Variants in NEIL3 observed in about 807,000 individuals in gnomAD.
The protein encoded by NEIL3 is endonuclease 8-like 3.
In NEIL3, 48 loss-of-function variants were observed where a neutral mutation model predicts 57.5. The ratio of observed to expected loss-of-function variants is 0.83; its 90% confidence interval spans 0.66 to 1.06. The LOEUF (loss-of-function observed/expected upper bound fraction) is 1.06. Ranked by LOEUF, NEIL3 falls within the 50% of genes least tolerant of loss-of-function variation. The pLI, the probability that NEIL3 is intolerant of heterozygous loss-of-function variation, is 0.00. For missense variants in NEIL3, 717 were observed against 739.1 expected, an observed-to-expected ratio of 0.97 and a Z score of 0.35; for synonymous variants, 261 against 253.2, an observed-to-expected ratio of 1.03 and a Z score of -0.29.
At chr4:177,347,937 A>G (rs1470721006) in intron 6 of NEIL3, among the ~76,000 whole-genome samples, 2 of 152,130 alleles carry the variant, frequency 1.3e-5, no homozygotes, top group South Asian at 2.1e-4. Flanking sequence ...TTTGGCTGCA[A>G]ACTCCTTGAT....
At chr4:177,327,384 G>A (rs908040939) in intron 2 of NEIL3, among the ~76,000 whole-genome samples, 11 of 151,990 alleles carry the variant, frequency 7.2e-5, no homozygotes, top group African/African-American at 2.7e-4. Flanking sequence ...GTGAATTAAA[G>A]CAGTTTTATT....
At chr4:177,322,412 AGTTT>A in intron 1 of NEIL3, 43 bp from the exon 2 acceptor site, 1 of 1,607,174 alleles carries the variant, frequency 6.2e-7, no homozygotes, top group South Asian at 1.1e-5. Flanking sequence ...TTTTGCTTAG[AGTTT>A]GTGTGTGTGT....
chr4:177,341,624 C>A lies in NEIL3; in HGVS notation c.851C>A (p.Pro284His), dbSNP rs1388534647. The A allele has an allele frequency of 1.2e-6, 2 of 1,613,010 alleles. No individual in the cohort carries two copies. The highest frequency in any genetic ancestry group is 3.3e-5 in the Admixed American group (2 of 59,862). The change falls in exon 6 of 10, where the codon CCT (proline) becomes CAT (histidine). Residue 284 changes from proline (P) to histidine (H), a missense_variant. Pro to His is a moderately conservative substitution (Grantham distance 77). Coordinates refer to ENST00000264596, the MANE Select transcript of NEIL3 (RefSeq NM_018248.3). Reference sequence around the variant, plus strand: ...TGTCCTCACTGTCAAAAAGAAAATCCTCAACATGTTGACATATGGTAAGAT... The same window carrying A: ...TGTCCTCACTGTCAAAAAGAAAATCATCAACATGTTGACATATGGTAAGAT... ...YFCPHCQKEN[P>H]QHVDICKLPT... is the part of the protein sequence containing the mutation.
At chr4:177,337,186 G>A (rs1312719494) in intron 4 of NEIL3, among the ~76,000 whole-genome samples, 1 of 152,094 alleles carries the variant, frequency 6.6e-6, no homozygotes, top group African/African-American at 2.4e-5. Flanking sequence ...TAAGAGAGGT[G>A]AGAACCCTAA....
At chr4:177,314,004 A>T (rs1313349471) in intron 1 of NEIL3, among the ~76,000 whole-genome samples, 1 of 152,218 alleles carries the variant, frequency 6.6e-6, no homozygotes, top group Non-Finnish European at 1.5e-5. Context: ...AGTGGGGGAA[A>T]AAAATCGTGG....
chr4:177,348,785 ATGAAT>A (rs1735283756), intron 6 of NEIL3, among the ~76,000 whole-genome samples: 1 of 149,820 alleles, frequency 6.7e-6, no homozygotes. Flanking sequence ...TCTGGGCCTG[ATGAAT>A]TGAGCGATAC....
chr4:177,330,672 A>C (rs946569528), intron 2 of NEIL3, among the ~76,000 whole-genome samples: 8 of 152,222 alleles, frequency 5.3e-5, no homozygotes, highest in Non-Finnish European at 8.8e-5. Flanking sequence ...TGGGAGACAT[A>C]TATATAATTT....
At chr4:177,365,960 TAGAGG>T (rs1735687151), downstream of NEIL3, among the ~76,000 whole-genome samples, 1 of 152,176 alleles carries the variant, frequency 6.6e-6, no homozygotes, top group South Asian at 2.1e-4. Flanking sequence ...GACCCAGTTT[TAGAGG>T]AAAGACAACC....
intron 8 of NEIL3, among the ~76,000 whole-genome samples, chr4:177,356,791 T>TG (rs1255782341): frequency 2.5e-4 from 38 of 152,226 alleles, no homozygotes; most frequent in Non-Finnish European, 5.4e-4. Flanking sequence ...ATAAATTAGA[T>TG]GATTGAACCC....
chr4:177,365,515 ACCACCATCAGTC>A (rs1735681957), downstream of NEIL3, among the ~76,000 whole-genome samples: 1 of 152,174 alleles, frequency 6.6e-6, no homozygotes. Flanking sequence ...CACCACTACA[ACCACCATCAGTC>A]CCTCCAAAAT....
At chr4:177,357,515 A>G (rs889508188) in intron 8 of NEIL3, among the ~76,000 whole-genome samples, 5 of 152,226 alleles carry the variant, frequency 3.3e-5, no homozygotes, top group African/African-American at 1.2e-4. Flanking sequence ...AAAAAATAAT[A>G]TTCACTTTAA....
intron 4 of NEIL3, 73 bp downstream of exon 4, chr4:177,336,394 A>G: frequency 8.8e-7 from 1 of 1,134,684 alleles, no homozygotes; most frequent in African/African-American, 1.5e-5. Context: ...GGAAGCCTTA[A>G]CTCTGCATTT....
Position 177,362,667 on chromosome 4 carries a change from T to C in NEIL3, c.*196T>C, listed in dbSNP as rs147510261. 27 of 464,056 alleles carry C rather than the reference T, an allele frequency of 5.8e-5. No individual in the cohort carries two copies. The East Asian group carries it at 8.4e-4, about 14-fold the overall frequency. The allele number at this position is 464,056 out of a possible 1,614,324, so 28.7% of individuals were successfully genotyped here. A position where few individuals can be genotyped will look rare whatever the true frequency, so the allele number is the denominator to read the frequency against. ...GTCTTTTCTTTTGCCTTGATGAACG[T>C]TCTATGTATTTCATCGGATATACAG... On this transcript the variant is annotated 3_prime_UTR_variant, in exon 10 of 10. Transcript: ENST00000264596.
rs1261299436 is a variant in NEIL3, at chr4:177,309,921, T to A, written c.-33T>A. The A allele has an allele frequency of 1.9e-6, 3 of 1,599,198 alleles. No individual in the cohort carries two copies. The highest frequency in any genetic ancestry group is 1.7e-5 in the Admixed American group (1 of 57,756). On this transcript the variant is annotated 5_prime_UTR_variant, in exon 1 of 10. Transcript: ENST00000264596. ...GCACAGCGGTATTCTCACCAGGCCC[T>A]GCAATCGGTGGGCCACAGTGCCGGC...
At chr4:177,334,749 G>A (rs2110905115) in intron 2 of NEIL3, among the ~76,000 whole-genome samples, 1 of 152,250 alleles carries the variant, frequency 6.6e-6, no homozygotes, top group South Asian at 2.1e-4. Flanking sequence ...CTATAACATG[G>A]TGCTCCGCAA....
intron 8 of NEIL3, among the ~76,000 whole-genome samples, chr4:177,360,063 G>A (rs1269050729): frequency 6.6e-6 from 1 of 152,198 alleles, no homozygotes; most frequent in East Asian, 1.9e-4. Flanking sequence ...AGCCATTGAT[G>A]AGAGTTTGCT....
At chr4:177,369,609 C>T in the NEIL3 span, among the ~76,000 whole-genome samples, 2 of 152,104 alleles carry the variant, frequency 1.3e-5, no homozygotes, top group Non-Finnish European at 2.9e-5. Flanking sequence ...TCAATCCTGC[C>T]AGTGGTGTGG....
chr4:177,334,480 C>T (rs1734938768), intron 2 of NEIL3, among the ~76,000 whole-genome samples: 1 of 152,072 alleles, frequency 6.6e-6, no homozygotes, highest in Non-Finnish European at 1.5e-5. Context: ...GATGTGGTTT[C>T]ATTATAGAAA....
intron 8 of NEIL3, 152 bp from the exon 9 acceptor site, chr4:177,360,351 A>G: frequency 2.1e-6 from 1 of 466,162 alleles, no homozygotes; most frequent in South Asian, 6.4e-5. Context: ...AAGAATAAAG[A>G]CAGCCTTTTG....
Sources: gnomAD v4.1 joint callset for allele counts (sites outside exome capture counted in the v4.1 genomes callset) on GRCh38, gnomAD v4.1.1 for gene constraint, MANE v1.5 for transcripts, NCBI Gene and HGNC (gene_info 2026-07-23, HGNC 2026-07-21) for gene names.